The following IQCM variants were observed in gnomAD, a reference collection of about 807,000 sequenced individuals.
The protein encoded by IQCM is IQ domain-containing protein M.
IQCM carries 45 observed loss-of-function variants against 57.6 expected under a neutral mutation model. The observed-to-expected ratio is 0.78, with a 90% confidence interval of 0.62 to 1.00. The LOEUF (loss-of-function observed/expected upper bound fraction) is 1.00, where lower values mean the gene tolerates loss of function less well. Among genes scored for constraint, IQCM ranks in the 50% least tolerant of loss-of-function variants. The pLI, the probability that IQCM is intolerant of heterozygous loss-of-function variation, is 0.00. For synonymous variants in IQCM, 148 were observed against 158.9 expected (o/e 0.93, Z 0.51); for missense variants, 468 against 511.6 (o/e 0.91, Z 0.82).
chr4:149,720,373 A>G (rs911339898), intron 5 of IQCM, among the ~76,000 whole-genome samples: 2 of 152,224 alleles, frequency 1.3e-5, no homozygotes, highest in Admixed American at 6.5e-5. Flanking sequence ...TTATTCAATT[A>G]TATTAATTCA....
chr4:149,591,698 C>A (rs573163737), intron 8 of IQCM, among the ~76,000 whole-genome samples: 1 of 152,034 alleles, frequency 6.6e-6, no homozygotes, highest in Admixed American at 6.6e-5. Flanking sequence ...CACAAACATG[C>A]GGTGTTTGGT....
chr4:149,807,169 A>G (rs1246071767), intron 2 of IQCM, among the ~76,000 whole-genome samples: 1 of 152,028 alleles, frequency 6.6e-6, no homozygotes, highest in Non-Finnish European at 1.5e-5. Context: ...CCTAAAACTC[A>G]TAGGGAATCA....
chr4:149,666,948 T>G (rs1324583765), intron 7 of IQCM, among the ~76,000 whole-genome samples: 1 of 151,988 alleles, frequency 6.6e-6, no homozygotes, highest in African/African-American at 2.4e-5. Context: ...AAGATAAAAT[T>G]CCCATCTCCC....
chr4:149,757,182 C>A (rs1462711140), intron 2 of IQCM, among the ~76,000 whole-genome samples: 1 of 151,798 alleles, frequency 6.6e-6, no homozygotes, highest in Non-Finnish European at 1.5e-5. Context: ...GGCATGAACC[C>A]GGGAGGCAGA....
intron 12 of IQCM, among the ~76,000 whole-genome samples, chr4:149,535,845 A>C (rs1265109350): frequency 6.6e-6 from 1 of 152,034 alleles, no homozygotes; most frequent in African/African-American, 2.4e-5. Context: ...GTGGAGGGGA[A>C]GAAAAAGCCT....
chr4:149,382,747 C>G (rs1731164468), intron 13 of IQCM, among the ~76,000 whole-genome samples: 1 of 152,158 alleles, frequency 6.6e-6, no homozygotes, highest in Non-Finnish European at 1.5e-5. Flanking sequence ...TCTCTGGATG[C>G]TAATGAGCCA....
At chr4:149,464,915 A>C (rs893070966) in intron 12 of IQCM, among the ~76,000 whole-genome samples, 1 of 152,196 alleles carries the variant, frequency 6.6e-6, no homozygotes, top group African/African-American at 2.4e-5. Context: ...ATAGCTTAGA[A>C]ATGTAAATCA....
At chr4:149,476,374 C>T (rs1276649118) in intron 12 of IQCM, among the ~76,000 whole-genome samples, 1 of 152,024 alleles carries the variant, frequency 6.6e-6, no homozygotes, top group African/African-American at 2.4e-5. Context: ...TATAGATTCT[C>T]CATGATGAGT....
At chr4:149,548,613 A>C in intron 11 of IQCM, 24 bp from the exon 12 acceptor site, 1 of 1,156,322 alleles carries the variant, frequency 8.6e-7, no homozygotes, top group Non-Finnish European at 1.1e-6. Context: ...AATGTAAAAG[A>C]AAATATTTTT....
chr4:149,472,149 G>T (rs1417236517), intron 12 of IQCM, among the ~76,000 whole-genome samples: 3 of 152,106 alleles, frequency 2.0e-5, no homozygotes, highest in Non-Finnish European at 4.4e-5. Context: ...AGAAATAAAG[G>T]GTATTCAATT....
intron 5 of IQCM, among the ~76,000 whole-genome samples, chr4:149,691,255 T>C (rs1399807788): frequency 1.3e-5 from 2 of 152,130 alleles, no homozygotes; most frequent in African/African-American, 2.4e-5. Flanking sequence ...TCCCCAAGAT[T>C]AGACCATTAG....
intron 6 of IQCM, among the ~76,000 whole-genome samples, chr4:149,684,528 T>G (rs1029957241): frequency 1.1e-4 from 16 of 151,382 alleles, no homozygotes; most frequent in Admixed American, 3.3e-4. Flanking sequence ...CATAAAGAGT[T>G]GGGTCATTCA....
intron 9 of IQCM, among the ~76,000 whole-genome samples, chr4:149,568,721 G>A (rs1164408228): frequency 3.3e-5 from 5 of 152,182 alleles, no homozygotes; most frequent in African/African-American, 1.2e-4. Context: ...CAAGGCTGCA[G>A]TAAGCCATGA....
intron 5 of IQCM, among the ~76,000 whole-genome samples, chr4:149,698,429 C>T (rs1561170779): frequency 6.6e-6 from 1 of 151,966 alleles, no homozygotes; most frequent in Non-Finnish European, 1.5e-5. Context: ...TGAAACTCAG[C>T]CAAGAACTGA....
At position 149,621,189 on chromosome 4, in the gene IQCM, A is replaced by G; in HGVS notation, c.621T>C (p.Ala207=). The change falls in exon 8 of 14, where the codon GCT becomes GCC. Residue 207 remains alanine (A), a synonymous_variant. Transcript: ENST00000636793. ...GFVLTRSFRL[A]CDSRRVSFSQ... is the part of the protein sequence containing the mutation. ...AGAAACTAACTCGACGGGAGTCACAAGCCAAACGGAAAGACCTTGTCAGCA... is the reference window on the plus strand; with the variant it reads ...AGAAACTAACTCGACGGGAGTCACAGGCCAAACGGAAAGACCTTGTCAGCA... 8.1e-7 allele frequency: 1 copy of G among 1,232,074 alleles called. No individual in the cohort carries two copies. The highest frequency in any genetic ancestry group is 1.0e-6 in the Non-Finnish European group (1 of 987,884). 76.3% of individuals were successfully genotyped at this position (1,232,074 alleles called of 1,614,324 possible).
chr4:149,552,799 T>G (rs1197416432), intron 11 of IQCM, among the ~76,000 whole-genome samples: 1 of 152,150 alleles, frequency 6.6e-6, no homozygotes, highest in African/African-American at 2.4e-5. Context: ...GGCTTATCTA[T>G]CCCCCAGAGG....
chr4:149,492,474 C>T (rs2149777789), intron 12 of IQCM, among the ~76,000 whole-genome samples: 1 of 152,226 alleles, frequency 6.6e-6, no homozygotes. Flanking sequence ...TGGTACTAAC[C>T]TACACAAGTC....
At chr4:149,484,412 G>A (rs1278289013) in intron 12 of IQCM, among the ~76,000 whole-genome samples, 1 of 151,724 alleles carries the variant, frequency 6.6e-6, no homozygotes, top group Non-Finnish European at 1.5e-5. Flanking sequence ...TTTCAATGAA[G>A]GTGATTTTCA....
At chr4:149,809,266 A>G (rs75314868) in intron 2 of IQCM, among the ~76,000 whole-genome samples, 1 of 112,364 alleles carries the variant, frequency 8.9e-6, no homozygotes, top group East Asian at 4.9e-4. Context: ...TCTCAAAAAG[A>G]AAAAAAAAAC....
Sources: allele counts gnomAD v4.1 joint callset (sites outside exome capture counted in the v4.1 genomes callset), GRCh38; gene constraint gnomAD v4.1.1; transcripts MANE v1.5; gene names NCBI Gene and HGNC (gene_info 2026-07-23, HGNC 2026-07-21).